Variants in RFPL1 observed in about 807,000 individuals in gnomAD.
The protein encoded by RFPL1 is ret finger protein like 1, also known as ret finger protein-like 1.
A neutral mutation model predicts 9.6 loss-of-function variants in RFPL1; 6 were observed. The ratio of observed to expected loss-of-function variants is 0.62; its 90% CI spans 0.34 to 1.23. The LOEUF is 1.23. Among genes scored for constraint, RFPL1 ranks in the 50% most tolerant of loss-of-function variants. The pLI is 0.03. For missense variants in RFPL1, 352 were observed against 398.4 expected, an observed-to-expected ratio of 0.88 and a Z score of 0.99; for synonymous variants, 145 against 149.4, an observed-to-expected ratio of 0.97 and a Z score of 0.22.
chr22:29,414,739 G>A, the RFPL1 span, among the ~76,000 whole-genome samples: 1 of 151,484 alleles, frequency 6.6e-6, no homozygotes, highest in African/African-American at 2.4e-5. Flanking sequence ...ATTTTCAGGG[G>A]TTTATGTTAA....
chr22:29,394,592 T>A, the RFPL1 span, among the ~76,000 whole-genome samples: 254 of 152,354 alleles, frequency 1.7e-3, 3 homozygotes, highest in Non-Finnish European at 1.9e-3. Flanking sequence ...TCTGCCCGCC[T>A]TGGCCTCCCA....
upstream of RFPL1, among the ~76,000 whole-genome samples, chr22:29,434,167 A>G (rs1398818996): frequency 6.6e-6 from 1 of 152,172 alleles, no homozygotes; most frequent in Non-Finnish European, 1.5e-5. Context: ...TAATAGTATA[A>G]TAAATAGTTT....
At chr22:29,390,708 G>A in the RFPL1 span, among the ~76,000 whole-genome samples, 7 of 151,402 alleles carry the variant, frequency 4.6e-5, no homozygotes, top group African/African-American at 1.5e-4. Context: ...TCATTCTCCT[G>A]CCTCAGCTTC....
the RFPL1 span, among the ~76,000 whole-genome samples, chr22:29,421,260 A>G: frequency 6.6e-6 from 1 of 151,984 alleles, no homozygotes; most frequent in Non-Finnish European, 1.5e-5. Flanking sequence ...TCTCTTCCCA[A>G]AAGAAATCCA....
At chr22:29,414,232 C>CT in the RFPL1 span, among the ~76,000 whole-genome samples, 1 of 147,958 alleles carries the variant, frequency 6.8e-6, no homozygotes, top group Non-Finnish European at 1.5e-5. Flanking sequence ...CCAATTTTTT[C>CT]TTTTTTCGAA....
At chr22:29,417,507 G>A in the RFPL1 span, among the ~76,000 whole-genome samples, 1 of 148,472 alleles carries the variant, frequency 6.7e-6, no homozygotes, top group Non-Finnish European at 1.5e-5. Context: ...AGGTTATGAG[G>A]CACAGGGCTG....
chr22:29,405,222 G>C, the RFPL1 span, among the ~76,000 whole-genome samples: 1 of 152,148 alleles, frequency 6.6e-6, no homozygotes, highest in African/African-American at 2.4e-5. Context: ...GCCAGAATTA[G>C]GATTGTCGGA....
the RFPL1 span, among the ~76,000 whole-genome samples, chr22:29,412,796 A>G: frequency 6.6e-6 from 1 of 152,068 alleles, no homozygotes; most frequent in African/African-American, 2.4e-5. Context: ...CCCCACACTC[A>G]TCCTGGAGCC....
chr22:29,434,269 G>A (rs529268471), upstream of RFPL1, among the ~76,000 whole-genome samples: 25 of 152,280 alleles, frequency 1.6e-4, no homozygotes, highest in East Asian at 1.9e-3. Flanking sequence ...CATGGTTTCT[G>A]CCTTCATGGA....
chr22:29,414,055 A>T, the RFPL1 span, among the ~76,000 whole-genome samples: 57 of 152,342 alleles, frequency 3.7e-4, no homozygotes, highest in African/African-American at 1.3e-3. Flanking sequence ...AAATTATACA[A>T]CATTTCTTGC....
the RFPL1 span, among the ~76,000 whole-genome samples, chr22:29,419,570 C>G: frequency 1.3e-5 from 2 of 151,796 alleles, no homozygotes; most frequent in Admixed American, 6.6e-5. Flanking sequence ...TTTGGGAGGT[C>G]GAGGGAGGCA....
chr22:29,435,287 C>G (rs1024099502), upstream of RFPL1, among the ~76,000 whole-genome samples: 5 of 152,224 alleles, frequency 3.3e-5, no homozygotes, highest in African/African-American at 1.2e-4. Context: ...CACCCTGCAC[C>G]GTGCTGCTGT....
the RFPL1 span, among the ~76,000 whole-genome samples, chr22:29,409,645 T>C: frequency 2.0e-5 from 3 of 152,238 alleles, no homozygotes; most frequent in African/African-American, 7.2e-5. Context: ...GATGGTAAGA[T>C]GCATTTCTCT....
At chr22:29,430,123 C>T in the RFPL1 span, among the ~76,000 whole-genome samples, 6 of 136,264 alleles carry the variant, frequency 4.4e-5, no homozygotes, top group South Asian at 2.2e-4. Flanking sequence ...GAAAAAAAAT[C>T]AAGTCACAAT....
chr22:29,415,323 G>A, the RFPL1 span, among the ~76,000 whole-genome samples: 5 of 152,240 alleles, frequency 3.3e-5, no homozygotes. Context: ...CACTCAAATG[G>A]AGTGGGCAAG....
the RFPL1 span, among the ~76,000 whole-genome samples, chr22:29,415,498 G>A: frequency 2.0e-5 from 3 of 152,250 alleles, no homozygotes; most frequent in South Asian, 2.1e-4. Context: ...CTCAGGAACC[G>A]CGTAGCTCAA....
the RFPL1 span, among the ~76,000 whole-genome samples, chr22:29,424,181 G>GAA: frequency 6.8e-6 from 1 of 146,552 alleles, no homozygotes; most frequent in African/African-American, 2.5e-5. Flanking sequence ...CTTTGTCTCA[G>GAA]AAAAAAAAAA....
At chr22:29,430,027 A>C in the RFPL1 span, among the ~76,000 whole-genome samples, 1 of 139,644 alleles carries the variant, frequency 7.2e-6, no homozygotes, top group African/African-American at 2.5e-5. Context: ...TGTTTCCAGC[A>C]CGTTGGATGT....
the RFPL1 span, among the ~76,000 whole-genome samples, chr22:29,389,545 G>C: frequency 6.7e-6 from 1 of 149,934 alleles, no homozygotes; most frequent in East Asian, 2.1e-4. Context: ...TATTAGCCGG[G>C]TGTGGTGGCA....
Sources: gnomAD v4.1 joint callset for allele counts (sites outside exome capture counted in the v4.1 genomes callset) on GRCh38, gnomAD v4.1.1 for gene constraint, MANE v1.5 for transcripts, NCBI Gene and HGNC (gene_info 2026-07-23, HGNC 2026-07-21) for gene names.